DYNC1I1: variants seen among roughly 807,000 people sequenced by gnomAD.
The protein encoded by DYNC1I1 is dynein cytoplasmic 1 intermediate chain 1.
A neutral mutation model predicts 86.6 loss-of-function variants in DYNC1I1; 43 were observed. That is an observed-to-expected ratio of 0.50 (90% CI 0.39 to 0.64). The LOEUF is 0.64. Among genes scored for constraint, DYNC1I1 ranks in the 30% least tolerant of loss-of-function variants. DYNC1I1 has a pLI of 0.00. For synonymous variants in DYNC1I1, 262 were observed against 283.7 expected (o/e 0.92, Z 0.77); for missense variants, 604 against 788.8 (o/e 0.77, Z 2.81).
chr7:95,967,556 C>T (rs921365830), intron 6 of DYNC1I1, among the ~76,000 whole-genome samples: 1 of 152,164 alleles, frequency 6.6e-6, no homozygotes, highest in African/African-American at 2.4e-5. Context: ...TCAGTAAGGA[C>T]CTCCCTTGCT....
chr7:95,842,116 G>A lies in DYNC1I1; in HGVS notation c.374+14000G>A, dbSNP rs112170453. Among the ~76,000 whole-genome samples, 1,034 of 152,306 alleles carry A rather than the reference G, an allele frequency of 6.8e-3. 9 individuals are homozygous for A. Among genetic ancestry groups the A allele is most frequent in the African/African-American group, 0.023 (974 of 41,562 alleles). On this transcript the variant is annotated intron_variant, in intron 5 of 16. Coordinates refer to ENST00000447467, the MANE Select transcript of DYNC1I1 (RefSeq NM_001135556.2). ...AGGTTCCCCTCAATTGTATAGTGCT[G>A]GGCTGAGGGTAGGGTTTATGGTGAG...
intron 10 of DYNC1I1, among the ~76,000 whole-genome samples, chr7:95,998,896 T>A (rs2299270): frequency 0.72 from 108,801 of 152,162 alleles, 39,538 homozygotes; most frequent in African/African-American, 0.84. Context: ...ACAAGCTTTT[T>A]GCCTACTCAT....
At chr7:95,843,230 G>A (rs779766703) in intron 5 of DYNC1I1, among the ~76,000 whole-genome samples, 1 of 152,172 alleles carries the variant, frequency 6.6e-6, no homozygotes, top group African/African-American at 2.4e-5. Flanking sequence ...TCACATAAAT[G>A]TACTGATCAA....
chr7:96,032,411 C>T (rs1018113337), intron 11 of DYNC1I1, among the ~76,000 whole-genome samples: 2 of 152,130 alleles, frequency 1.3e-5, no homozygotes, highest in African/African-American at 2.4e-5. Flanking sequence ...TTTGTTCTAG[C>T]GTCCTTCTGT....
chr7:95,847,178 A>G (rs535244078), intron 5 of DYNC1I1, among the ~76,000 whole-genome samples: 4 of 152,204 alleles, frequency 2.6e-5, no homozygotes, highest in Admixed American at 2.0e-4. Context: ...CTCCATATCA[A>G]GTAAACTAAG....
chr7:96,015,962 A>G (rs1370621777), intron 10 of DYNC1I1, among the ~76,000 whole-genome samples: 1 of 152,194 alleles, frequency 6.6e-6, no homozygotes, highest in African/African-American at 2.4e-5. Context: ...CAAGGTAGAC[A>G]TAGTCCTAGA....
chr7:95,834,411 A>G (rs1338568653), intron 5 of DYNC1I1, among the ~76,000 whole-genome samples: 3 of 107,894 alleles, frequency 2.8e-5, no homozygotes, highest in South Asian at 3.6e-4. Context: ...ATGTTCATCA[A>G]GGATATTGGT....
intron 2 of DYNC1I1, among the ~76,000 whole-genome samples, chr7:95,808,657 CAT>C (rs1252939136): frequency 3.3e-5 from 5 of 152,134 alleles, no homozygotes; most frequent in African/African-American, 1.2e-4. Flanking sequence ...CCTGTCCTCA[CAT>C]GTTTCTCTAA....
At chr7:95,785,452 C>T (rs1168101316) in intron 1 of DYNC1I1, among the ~76,000 whole-genome samples, 3 of 151,910 alleles carry the variant, frequency 2.0e-5, no homozygotes, top group Admixed American at 6.6e-5. Flanking sequence ...AGAAATGTTG[C>T]TAACTTAATT....
At chr7:95,979,832 G>T (rs144856736) in intron 7 of DYNC1I1, among the ~76,000 whole-genome samples, 2 of 151,992 alleles carry the variant, frequency 1.3e-5, no homozygotes, top group African/African-American at 4.8e-5. Flanking sequence ...GAATTTGATC[G>T]AAGAGATCTC....
At chr7:95,941,139 G>C (rs1466519668) in intron 6 of DYNC1I1, among the ~76,000 whole-genome samples, 3 of 152,146 alleles carry the variant, frequency 2.0e-5, no homozygotes, top group Admixed American at 1.3e-4. Context: ...CTATGCTGCT[G>C]TCTGATTGTT....
intron 6 of DYNC1I1, among the ~76,000 whole-genome samples, chr7:95,964,022 C>T (rs940614978): frequency 6.6e-6 from 1 of 152,018 alleles, no homozygotes; most frequent in African/African-American, 2.4e-5. Flanking sequence ...CATATTTGAG[C>T]CAATGGGAAA....
At chr7:95,906,052 A>C (rs1315837436) in intron 6 of DYNC1I1, among the ~76,000 whole-genome samples, 1 of 152,184 alleles carries the variant, frequency 6.6e-6, no homozygotes, top group Non-Finnish European at 1.5e-5. Flanking sequence ...TGCATGAACT[A>C]TATTTTTTCT....
At chr7:95,915,179 A>G in intron 6 of DYNC1I1, among the ~76,000 whole-genome samples, 1 of 152,238 alleles carries the variant, frequency 6.6e-6, no homozygotes, top group East Asian at 1.9e-4. Flanking sequence ...AAAGACAGCC[A>G]AGGAGGACAA....
At chr7:96,056,546 A>G (rs543198990) in intron 14 of DYNC1I1, among the ~76,000 whole-genome samples, 34 of 152,164 alleles carry the variant, frequency 2.2e-4, no homozygotes, top group Non-Finnish European at 4.3e-4. Context: ...TTCTTCCTAC[A>G]TAATCCTTTT....
chr7:96,065,371 T>C lies in DYNC1I1; in HGVS notation c.1510-10686T>C, dbSNP rs1238811307. Among the ~76,000 whole-genome samples the C allele has an allele frequency of 2.8e-5, 4 of 140,388 alleles. No homozygotes were observed. The East Asian group carries it at 9.3e-4, about 33-fold the overall frequency. The allele number at this position is 140,388 out of a possible 152,430, so 92.1% of individuals were successfully genotyped here. A position where few individuals can be genotyped will look rare whatever the true frequency, so the allele number is the denominator to read the frequency against. On this transcript the variant is annotated intron_variant, in intron 14 of 16. Coordinates refer to ENST00000447467, the MANE Select transcript of DYNC1I1 (RefSeq NM_001135556.2). ...TCCTCCCCACTCTTTTCTTTTTTTCTTTCTTTCTTTTTTTTTTTTTTTTTG... is the reference window on the plus strand; with the variant it reads ...TCCTCCCCACTCTTTTCTTTTTTTCCTTCTTTCTTTTTTTTTTTTTTTTTG...
chr7:95,905,087 T>C (rs567899652), intron 6 of DYNC1I1, among the ~76,000 whole-genome samples: 4 of 152,340 alleles, frequency 2.6e-5, no homozygotes, highest in South Asian at 4.1e-4. Context: ...AATTTATTGT[T>C]TCTGACCCTT....
intron 14 of DYNC1I1, among the ~76,000 whole-genome samples, chr7:96,040,716 G>GTTTTTTTTTTTTT (rs61104103): frequency 6.9e-6 from 1 of 144,806 alleles, no homozygotes; most frequent in Non-Finnish European, 1.5e-5. Context: ...CAAATGAGTA[G>GTTTTTTTTTTTTT]TTTTTTTTTT....
intron 5 of DYNC1I1, among the ~76,000 whole-genome samples, chr7:95,869,438 T>C (rs1790102081): frequency 6.6e-6 from 1 of 152,188 alleles, no homozygotes; most frequent in Non-Finnish European, 1.5e-5. Flanking sequence ...CTCACTGCTA[T>C]GATAGAGAAT....
Sources: allele counts gnomAD v4.1 joint callset (sites outside exome capture counted in the v4.1 genomes callset), GRCh38; gene constraint gnomAD v4.1.1; transcripts MANE v1.5; gene names NCBI Gene and HGNC (gene_info 2026-07-23, HGNC 2026-07-21).